DSTN: variants seen among roughly 807,000 people sequenced by gnomAD.
DSTN encodes destrin.
In DSTN, 10 loss-of-function variants were observed where a neutral mutation model predicts 16.8. That is an observed-to-expected ratio of 0.60 (90% CI 0.37 to 1.01). The LOEUF (loss-of-function observed/expected upper bound fraction) is 1.01, where lower values mean the gene tolerates loss of function less well. Among genes scored for constraint, DSTN ranks in the 50% least tolerant of loss-of-function variants. The pLI is 0.01. For synonymous variants in DSTN, 57 were observed against 58.9 expected, an observed-to-expected ratio of 0.97 and a Z score of 0.14; for missense variants, 141 against 196.7, an observed-to-expected ratio of 0.72 and a Z score of 1.69.
At position 17,589,785 on chromosome 20, in the gene DSTN, A is replaced by T. The variant is rs185492643; in HGVS notation, c.4-10953A>T. On this transcript the variant is annotated intron_variant, in intron 1 of 3. Coordinates refer to ENST00000246069, the MANE Select transcript of DSTN (RefSeq NM_006870.4). ...TAGAAGTAGGTAGATTAAGATGCTG[A>T]TGACATTTTTGCCAGTTTGAAAATT... Among the ~76,000 whole-genome samples, 40 of 152,348 alleles carry T rather than the reference A, an allele frequency of 2.6e-4. 2 individuals carry two copies. In the East Asian group the frequency reaches 4.8e-3, roughly 18 times the overall value.
chr20:17,576,942 A>G (rs986990953), intron 1 of DSTN, among the ~76,000 whole-genome samples: 1 of 152,148 alleles, frequency 6.6e-6, no homozygotes, highest in African/African-American at 2.4e-5. Flanking sequence ...TAATCTAAAA[A>G]TCCAAAATTC....
intron 1 of DSTN, among the ~76,000 whole-genome samples, chr20:17,595,863 T>G (rs1161455925): frequency 6.6e-6 from 1 of 152,204 alleles, no homozygotes; most frequent in African/African-American, 2.4e-5. Flanking sequence ...TCCTTCAAGT[T>G]CTTAAATATC....
intron 1 of DSTN, among the ~76,000 whole-genome samples, chr20:17,590,045 T>G (rs564838394): frequency 3.3e-5 from 5 of 152,318 alleles, no homozygotes; most frequent in African/African-American, 1.2e-4. Flanking sequence ...CGTTTCTGAT[T>G]TATTTTGGTT....
rs147415871 is a variant in DSTN at position 17,597,415 on chromosome 20, G to T, written c.4-3323G>T. Among the ~76,000 whole-genome samples, 739 of 152,272 alleles carry T rather than the reference G, an allele frequency of 4.9e-3. 6 individuals are homozygous for T. Among genetic ancestry groups the T allele is most frequent in the African/African-American group, 0.017 (696 of 41,558 alleles). ...ATTAAGTAAATGCTAGGATCTTAGT[G>T]TATCTTTCTCCCAGGATTCTTGCAT... On this transcript the variant is annotated intron_variant, in intron 1 of 3. Coordinates refer to ENST00000246069, the MANE Select transcript of DSTN (RefSeq NM_006870.4).
chr20:17,600,704 G>A lies in DSTN; in HGVS notation c.4-34G>A, dbSNP rs752871475. The A allele has an allele frequency of 4.6e-6, 7 of 1,520,776 alleles. No homozygotes were observed. In the East Asian group the frequency reaches 1.4e-4, roughly 30 times the overall value. 94.2% of individuals were successfully genotyped at this position (1,520,776 alleles called of 1,614,324 possible). ...TTTTATGTTTGGCACAATAAAAATT[G>A]TAAGTCTTTTTCTCATGTATTTTCT... On this transcript the variant is annotated intron_variant, in intron 1 of 3. Transcript: ENST00000246069.
chr20:17,574,865 C>CTTTTCTTTTTTTTTTTTTTTTT (rs1354147534), intron 1 of DSTN, among the ~76,000 whole-genome samples: 3 of 64,254 alleles, frequency 4.7e-5, no homozygotes, highest in African/African-American at 1.8e-4. Flanking sequence ...CTTTTCTTTT[C>CTTTTCTTTTTTTTTTTTTTTTT]TTTTGTTTTT....
chr20:17,572,943 G>A (rs188126635), intron 1 of DSTN, among the ~76,000 whole-genome samples: 1 of 152,250 alleles, frequency 6.6e-6, no homozygotes, highest in Non-Finnish European at 1.5e-5. Flanking sequence ...CCTCCCTAGA[G>A]TTATAACCAT....
At chr20:17,605,471 TTTTG>T (rs1293299394) in intron 3 of DSTN, among the ~76,000 whole-genome samples, 2 of 152,218 alleles carry the variant, frequency 1.3e-5, no homozygotes, top group African/African-American at 2.4e-5. Context: ...GTTGATTTTG[TTTTG>T]TTTGTTTTAC....
intron 1 of DSTN, among the ~76,000 whole-genome samples, chr20:17,577,922 G>T (rs1163568562): frequency 6.6e-6 from 1 of 152,178 alleles, no homozygotes; most frequent in East Asian, 1.9e-4. Context: ...TAATGGATAA[G>T]AATAAATTTT....
chr20:17,600,970 A>G lies in DSTN; in HGVS notation c.236A>G (p.Asp79Gly), dbSNP rs1213904153. Residue 79 changes from aspartate (D) to glycine (G), a missense_variant, in exon 2 of 4, where the codon GAT (aspartate) becomes GGT (glycine). Asp to Gly is a moderately conservative substitution (Grantham distance 94, BLOSUM62 -1). Coordinates refer to ENST00000246069, the MANE Select transcript of DSTN (RefSeq NM_006870.4). ...TTTGTGGGAATGCTTCCTGAAAAAG[A>G]TTGTCGCTATGCTTTGTATGATGCA... ...KHFVGMLPEKDCRYALYDASF... is the reference protein window; with the variant it reads ...KHFVGMLPEKGCRYALYDASF... 1.2e-6 allele frequency: 2 copies of G among 1,614,058 alleles called. No individual in the cohort carries two copies. The highest frequency in any genetic ancestry group is 1.7e-5 in the Admixed American group (1 of 60,020).
At chr20:17,576,429 C>A in intron 1 of DSTN, 1 of 161,828 alleles carries the variant, frequency 6.2e-6, no homozygotes. Flanking sequence ...AAGGGGACAC[C>A]TGCCTAGCCA....
At position 17,583,735 on chromosome 20, in the gene DSTN, C is replaced by CT. The variant is rs71192397; in HGVS notation, c.3+13547dup. ...ATGACTGCTAATGGGTTTGGAGTTT[C>CT]TTTTTTTTTTTTTTTTTTTTTTTGA... On this transcript the variant is annotated intron_variant, in intron 1 of 3. Coordinates refer to ENST00000246069, the MANE Select transcript of DSTN (RefSeq NM_006870.4). Among the ~76,000 whole-genome samples, 672 of 72,400 alleles carry CT rather than the reference C, an allele frequency of 9.3e-3. 84 individuals carry two copies. Among genetic ancestry groups the CT allele is most frequent in the African/African-American group, 0.034 (625 of 18,312 alleles). 47.5% of individuals were successfully genotyped at this position (72,400 alleles called of 152,430 possible). A position where few individuals can be genotyped will look rare whatever the true frequency, so the allele number is the denominator to read the frequency against.
rs1418602939 is a variant in DSTN, at chr20:17,604,628, C to G, written c.385C>G (p.Gln129Glu). 1 of 1,612,894 alleles carries G rather than the reference C, an allele frequency of 6.2e-7. No individual in the cohort carries two copies. Among genetic ancestry groups the G allele is most frequent in the African/African-American group, 1.3e-5 (1 of 74,852 alleles). Reference sequence around the variant, plus strand: ...CAAGGATGCAATTAAAAAGAAATTTCAAGGTATGTTCTAGATGACCTCTGA... The same window carrying G: ...CAAGGATGCAATTAAAAAGAAATTTGAAGGTATGTTCTAGATGACCTCTGA... The part of the protein sequence containing the change: ...SSKDAIKKKF[Q>E]GIKHECQANG... The change falls in exon 3 of 4, where the codon CAA (glutamine) becomes GAA (glutamate). Residue 129 changes from glutamine (Q) to glutamate (E), a missense_variant. By Grantham distance (29) the Gln-to-Glu change is conservative (BLOSUM62 2). Transcript: ENST00000246069.
chr20:17,581,077 C>A (rs932730883), intron 1 of DSTN, among the ~76,000 whole-genome samples: 1 of 152,128 alleles, frequency 6.6e-6, no homozygotes, highest in East Asian at 1.9e-4. Context: ...ACCAGGAAGC[C>A]ATTGGGTGTG....
At chr20:17,590,804 A>G (rs1014136793) in intron 1 of DSTN, among the ~76,000 whole-genome samples, 4 of 152,244 alleles carry the variant, frequency 2.6e-5, no homozygotes, top group Non-Finnish European at 5.9e-5. Flanking sequence ...CTAATAACCT[A>G]ACATTTTAGA....
intron 2 of DSTN, among the ~76,000 whole-genome samples, chr20:17,603,351 A>G (rs989995817): frequency 6.6e-6 from 1 of 152,196 alleles, no homozygotes; most frequent in South Asian, 2.1e-4. Context: ...AAGCAAAACA[A>G]CATACACCAG....
chr20:17,605,830 T>C (rs2035636464), intron 3 of DSTN, among the ~76,000 whole-genome samples: 1 of 152,112 alleles, frequency 6.6e-6, no homozygotes, highest in South Asian at 2.1e-4. Flanking sequence ...CGGCTGGGTG[T>C]GGTGGCTCAT....
At chr20:17,588,263 A>G (rs1267072070) in intron 1 of DSTN, among the ~76,000 whole-genome samples, 2 of 152,200 alleles carry the variant, frequency 1.3e-5, no homozygotes, top group East Asian at 1.9e-4. Flanking sequence ...GAATTCACCT[A>G]TGTCCTGGAA....
chr20:17,594,266 CAAATT>C (rs199670522), intron 1 of DSTN, among the ~76,000 whole-genome samples: 1 of 151,906 alleles, frequency 6.6e-6, no homozygotes, highest in Admixed American at 6.6e-5. Flanking sequence ...ACTGCAATAA[CAAATT>C]AAATTCAAAA....
Sources: gnomAD v4.1 joint callset for allele counts (sites outside exome capture counted in the v4.1 genomes callset) on GRCh38, gnomAD v4.1.1 for gene constraint, MANE v1.5 for transcripts, NCBI Gene and HGNC (gene_info 2026-07-23, HGNC 2026-07-21) for gene names.